Variants in PIEZO2 observed in about 807,000 individuals in gnomAD.
PIEZO2 encodes the protein piezo type mechanosensitive ion channel component 2.
In PIEZO2, 172 loss-of-function variants were observed where a neutral mutation model predicts 337.3. The observed-to-expected ratio is 0.51, with a 90% confidence interval of 0.45 to 0.58. PIEZO2 has a LOEUF of 0.58. Among genes scored for constraint, PIEZO2 ranks in the 20% least tolerant of loss-of-function variants. PIEZO2 has a pLI of 0.00. For synonymous variants in PIEZO2, 1,251 were observed against 1,228.5 expected (o/e 1.02, Z -0.38); for missense variants, 3,028 against 3,391.3 (o/e 0.89, Z 2.66).
intron 3 of PIEZO2, among the ~76,000 whole-genome samples, chr18:10,924,045 G>A (rs1372110833): frequency 1.3e-5 from 2 of 152,202 alleles, no homozygotes; most frequent in African/African-American, 4.8e-5. Flanking sequence ...CTCAGCCAGT[G>A]TTTAAATGAA....
rs2144222099 is a variant in PIEZO2 at position 10,795,989 on chromosome 18, T to C, written c.1528-987A>G. On this transcript the variant is annotated intron_variant, in intron 12 of 55. Transcript: ENST00000674853. This position sits in a 1 kb window ranked among gnomAD's most constrained non-coding sequence, Gnocchi z 4.4. The stretch of plus-strand genomic sequence containing the variant: ...AAGGTGTGATGTTGCAGATGGTGAG[T>C]AGAAACACACATAAACTGAGAGCTC... Among the ~76,000 whole-genome samples the C allele has an allele frequency of 6.6e-6, 1 of 152,032 alleles. No individual in the cohort carries two copies. The highest frequency in any genetic ancestry group is 2.1e-4 in the South Asian group (1 of 4,810).
In PIEZO2 at chr18:10,912,965, TA is replaced by T. The variant is rs897185329; in HGVS notation, c.287-1738del. Among the ~76,000 whole-genome samples the T allele has an allele frequency of 1.1e-3, 157 of 145,666 alleles. 1 individual carries two copies. Among genetic ancestry groups the T allele is most frequent in the African/African-American group, 2.9e-3 (116 of 39,994 alleles). ...TCCAATATGTTTTGCTGAGTAGGAG[TA>T]AAAAAAAAAACACAGACTTTGAGCT... On this transcript the variant is annotated intron_variant, in intron 3 of 55. Transcript: ENST00000674853.
In PIEZO2 at chr18:11,029,911, T is replaced by A. The variant is rs187582592; in HGVS notation, c.160+36216A>T. On this transcript the variant is annotated intron_variant, in intron 2 of 55. Transcript: ENST00000674853. ...ATTCCACCATGGCCATGTTCCTTTT[T>A]TATCTTCTGCGTTCCCCACTGAACT... Among the ~76,000 whole-genome samples the A allele has an allele frequency of 2.4e-4, 37 of 152,302 alleles. No homozygotes were observed. The East Asian group carries it at 5.0e-3, about 21-fold the overall frequency.
At chr18:11,043,825 A>G (rs1371637597) in intron 2 of PIEZO2, among the ~76,000 whole-genome samples, 1 of 151,742 alleles carries the variant, frequency 6.6e-6, no homozygotes, top group African/African-American at 2.4e-5. Context: ...ACGTGCCATC[A>G]TGCCTGGCTG....
chr18:10,784,094 G>A lies in PIEZO2; in HGVS notation c.2492+690C>T, dbSNP rs1405335164. 6.6e-6 allele frequency among the ~76,000 whole-genome samples: 1 copy of A among 152,148 alleles called. No homozygotes were observed. The highest frequency in any genetic ancestry group is 1.9e-4 in the East Asian group (1 of 5,202). ...GGCAGAAAGGAAAACCATTGTCAGC[G>A]TTCACTAAAAGAATGCTTGTGATCT... On this transcript the variant is annotated intron_variant, in intron 17 of 55. Coordinates refer to ENST00000674853, the MANE Select transcript of PIEZO2 (RefSeq NM_001378183.1). The surrounding 1 kb of genome is among the most constrained non-coding windows in gnomAD (Gnocchi z 4.5).
chr18:10,683,064 G>C (rs2034344663), intron 49 of PIEZO2, among the ~76,000 whole-genome samples: 1 of 152,256 alleles, frequency 6.6e-6, no homozygotes, highest in South Asian at 2.1e-4. Flanking sequence ...TTTCTTCAGT[G>C]TTGCTGCTCC....
intron 41 of PIEZO2, among the ~76,000 whole-genome samples, chr18:10,704,866 T>G (rs2035506769): frequency 6.6e-6 from 1 of 152,052 alleles, no homozygotes; most frequent in Admixed American, 6.5e-5. Flanking sequence ...TTTGTGTGTA[T>G]TTTTAGTAAA....
chr18:10,726,344 G>T lies in PIEZO2; in HGVS notation c.5029+5063C>A. Reference sequence around the variant, plus strand: ...GTCCCCGAACGCCCCGCCCAGCGCTGCCTCCCTTCGCCTTCCCCGCAGGCA... The same window carrying T: ...GTCCCCGAACGCCCCGCCCAGCGCTTCCTCCCTTCGCCTTCCCCGCAGGCA... On this transcript the variant is annotated intron_variant, in intron 36 of 55. Transcript: ENST00000674853. This position sits in a 1 kb window ranked among gnomAD's most constrained non-coding sequence, Gnocchi z 5.9. 6.7e-7 allele frequency: 1 copy of T among 1,487,828 alleles called. No homozygotes were observed. The highest frequency in any genetic ancestry group is 8.9e-7 in the Non-Finnish European group (1 of 1,118,590). The allele number at this position is 1,487,828 out of a possible 1,614,324, so 92.2% of individuals were successfully genotyped here.
At position 10,680,203 on chromosome 18, in the gene PIEZO2, G is replaced by T; in HGVS notation, c.7948C>A (p.Gln2650Lys). 6.2e-7 allele frequency: 1 copy of T among 1,611,034 alleles called. No individual in the cohort carries two copies. Among genetic ancestry groups the T allele is most frequent in the African/African-American group, 1.3e-5 (1 of 74,932 alleles). The change falls in exon 52 of 56, where the codon CAG (glutamine) becomes AAG (lysine). Residue 2650 changes from glutamine to lysine, a missense_variant. By Grantham distance (53) the Gln-to-Lys change is moderately conservative. Around this residue, in one of 5 missense-constraint regions of PIEZO2, gnomAD observed 332 missense variants for 363.8 expected, o/e 0.91. Coordinates refer to ENST00000674853, the MANE Select transcript of PIEZO2 (RefSeq NM_001378183.1). Reference protein sequence around the residue: ...SFSVVFSWSIQRNLSLGAKSE... With the variant: ...SFSVVFSWSIKRNLSLGAKSE... ...ACATGGAAATACAGTAACTACCTCTGAATACTCCATGAAAAAACAACAGAG... is the reference window on the plus strand; with the variant it reads ...ACATGGAAATACAGTAACTACCTCTTAATACTCCATGAAAAAACAACAGAG...
intron 36 of PIEZO2, 24 bp downstream of exon 36, chr18:10,731,383 A>G (rs375832525): frequency 1.5e-5 from 22 of 1,503,878 alleles, no homozygotes; most frequent in East Asian, 7.5e-5. Context: ...CACACCCACC[A>G]CAGCCACCCC....
At position 10,696,273 on chromosome 18, in the gene PIEZO2, C is replaced by T. The variant is rs1305253373; in HGVS notation, c.6991G>A (p.Ala2331Thr). ...TCTGACAGTGAAGAGGTGATGTCTG[C>T]AGCTGCTGAGTGTTTCTGGGGAAGA... is the stretch of plus-strand genomic sequence containing the variant. ...FWAFGKHSAA[A>T]DITSSLSEDQ... Residue 2331 changes from alanine to threonine, a missense_variant, in exon 47 of 56, where the codon GCA (alanine) becomes ACA (threonine). Physicochemically the swap from Ala to Thr is moderately conservative, Grantham distance 58. This residue lies in a region of PIEZO2 where 1,925 missense variants were observed against 2,051.9 expected (regional missense o/e 0.94). Transcript: ENST00000674853. 29 of 1,614,080 alleles carry T rather than the reference C, an allele frequency of 1.8e-5. No individual in the cohort carries two copies. Among genetic ancestry groups the T allele is most frequent in the Non-Finnish European group, 2.5e-5 (29 of 1,180,026 alleles).
intron 2 of PIEZO2, among the ~76,000 whole-genome samples, chr18:11,004,567 G>A (rs2145624012): frequency 6.6e-6 from 1 of 152,318 alleles, no homozygotes; most frequent in Non-Finnish European, 1.5e-5. Context: ...GTTTAGAACG[G>A]ATAAGGAAGG....
At chr18:11,147,115 G>T (rs2040829934) in intron 1 of PIEZO2, among the ~76,000 whole-genome samples, 5 of 152,208 alleles carry the variant, frequency 3.3e-5, no homozygotes, top group Admixed American at 3.3e-4. Context: ...GGCACCTGAA[G>T]AATCCCTTTC....
At chr18:10,860,888 G>A (rs1259132866) in intron 5 of PIEZO2, among the ~76,000 whole-genome samples, 1 of 152,152 alleles carries the variant, frequency 6.6e-6, no homozygotes, top group Non-Finnish European at 1.5e-5. Flanking sequence ...ACATACCACT[G>A]TACTTTAGGG....
rs2035601570 is a variant in PIEZO2, at chr18:11,003,062, A to G, written c.161-23402T>C. 6.6e-6 allele frequency among the ~76,000 whole-genome samples: 1 copy of G among 151,530 alleles called. No individual in the cohort carries two copies. Among genetic ancestry groups the G allele is most frequent in the Admixed American group, 6.6e-5 (1 of 15,264 alleles). On this transcript the variant is annotated intron_variant, in intron 2 of 55. Transcript: ENST00000674853. The surrounding 1 kb of genome is among the most constrained non-coding windows in gnomAD (Gnocchi z 4.6). ...CAAGGACAGCCTTAAGCACAAGGAGATTCTAACCTGGGAGATGTCCAGTGA... is the reference window on the plus strand; with the variant it reads ...CAAGGACAGCCTTAAGCACAAGGAGGTTCTAACCTGGGAGATGTCCAGTGA...
chr18:10,790,793 C>T (rs1457202103), intron 14 of PIEZO2, among the ~76,000 whole-genome samples: 1 of 151,776 alleles, frequency 6.6e-6, no homozygotes, highest in Non-Finnish European at 1.5e-5. Context: ...GCGAGCTCCG[C>T]CTCCCAGGTT....
In PIEZO2 at chr18:11,066,187, A is replaced by T. The variant is rs1411376101; in HGVS notation, c.100T>A (p.Tyr34Asn). 1 of 1,536,524 alleles carries T rather than the reference A, an allele frequency of 6.5e-7. No homozygotes were observed. Among genetic ancestry groups the T allele is most frequent in the East Asian group, 2.4e-5 (1 of 40,878 alleles). The change falls in exon 2 of 56, where the codon TAC (tyrosine) becomes AAC (asparagine). Residue 34 changes from tyrosine to asparagine, a missense_variant. Around this residue, in one of 5 missense-constraint regions of PIEZO2, gnomAD observed 542 missense variants for 605.6 expected, o/e 0.89. Transcript: ENST00000674853. ...GGAATGAGCAAGAGGTAGATAAGGT[A>T]GACAAAGGAGAGCCCATTGTATCGG... ...AFRYNGLSFV[Y>N]LIYLLLIPLF...
chr18:10,754,084 C>T (rs1054494514), intron 27 of PIEZO2, among the ~76,000 whole-genome samples: 6 of 152,236 alleles, frequency 3.9e-5, no homozygotes, highest in African/African-American at 2.4e-5. Flanking sequence ...CCTTTCCTTC[C>T]TTGCCTACAG....
chr18:11,148,079 G>A lies in PIEZO2; in HGVS notation c.64+446C>T, dbSNP rs2040853568. On this transcript the variant is annotated intron_variant, in intron 1 of 55. Transcript: ENST00000674853. This position sits in a 1 kb window ranked among gnomAD's most constrained non-coding sequence, Gnocchi z 5.2. ...CTTCACTTCTTCCTTCACGGTTGCT[G>A]GGATTTGGGGTCTGGGAGAGATGGC... 1.3e-5 allele frequency among the ~76,000 whole-genome samples: 2 copies of A among 152,120 alleles called. No homozygotes were observed. Among genetic ancestry groups the A allele is most frequent in the African/African-American group, 4.8e-5 (2 of 41,440 alleles).
Sources: allele counts gnomAD v4.1 joint callset (sites outside exome capture counted in the v4.1 genomes callset), GRCh38; gene constraint gnomAD v4.1.1; regional missense constraint gnomAD v4.1.1; non-coding constraint Gnocchi (gnomAD v3.1); transcripts MANE v1.5; gene names NCBI Gene and HGNC (gene_info 2026-07-23, HGNC 2026-07-21).